The following ZNF703 variants were observed in gnomAD, a reference collection of about 807,000 sequenced individuals.
ZNF703 encodes NocA-like zinc finger 1.
In ZNF703, 18 loss-of-function variants were observed where a neutral mutation model predicts 30.7. That is an observed-to-expected ratio of 0.59 (90% confidence interval 0.40 to 0.87). The LOEUF (loss-of-function observed/expected upper bound fraction) is 0.87. Ranked by LOEUF, ZNF703 falls within the 40% of genes least tolerant of loss-of-function variation. ZNF703 has a pLI of 0.00. For missense variants in ZNF703, 814 were observed against 847.8 expected (o/e 0.96, Z 0.50); for synonymous variants, 457 against 438.6 (o/e 1.04, Z -0.52).
chr8:37,697,941 C>G lies in ZNF703; in HGVS notation c.1040C>G (p.Ser347Cys). ...TCCGGCCTCGTGGGAGGCCAGCTGT[C>G]TGGGGGCCTGGGCCTGCCGCCGGGC... Reference protein sequence around the residue: ...SKSGLVGGQLSGGLGLPPGKP... With the variant: ...SKSGLVGGQLCGGLGLPPGKP... Residue 347 changes from serine (S) to cysteine (C), a missense_variant, in exon 2 of 2, where the codon TCT (serine) becomes TGT (cysteine). By Grantham distance (112) the Ser-to-Cys change is moderately radical. Transcript: ENST00000331569. 6.4e-7 allele frequency: 1 copy of G among 1,554,086 alleles called. No individual in the cohort carries two copies. Among genetic ancestry groups the G allele is most frequent in the Non-Finnish European group, 8.6e-7 (1 of 1,156,420 alleles).
chr8:37,698,917 A>C lies in ZNF703; in HGVS notation c.*243A>C. ...CAAAAAGTCTGTGTTCTCCCAAATA[A>C]TAATATTAATCCCACAAATAACGAC... On this transcript the variant is annotated 3_prime_UTR_variant, in exon 2 of 2. Coordinates refer to ENST00000331569, the MANE Select transcript of ZNF703 (RefSeq NM_025069.3). 7.8e-6 allele frequency: 3 copies of C among 385,706 alleles called. No individual in the cohort carries two copies. The highest frequency in any genetic ancestry group is 4.5e-5 in the Admixed American group (1 of 22,166). The allele number at this position is 385,706 out of a possible 1,614,324, so 23.9% of individuals were successfully genotyped here.
At chr8:37,697,078 C>T (rs867060244) in intron 1 of ZNF703, 67 bp from the exon 2 acceptor site, 18 of 1,416,780 alleles carry the variant, frequency 1.3e-5, no homozygotes, top group Admixed American at 5.9e-5. Context: ...TCCCCGGGCG[C>T]CCCCGCTCGC....
In ZNF703 at chr8:37,697,873, C is replaced by T. The variant is rs778741106; in HGVS notation, c.972C>T (p.Ala324=). The T allele has an allele frequency of 2.6e-6, 4 of 1,549,878 alleles. No individual in the cohort carries two copies. The highest frequency in any genetic ancestry group is 2.4e-5 in the East Asian group (1 of 41,990). ...GYHGSIVGAY[A]GYPSQFVPGL... ...ACGGCTCCATCGTGGGCGCCTACGC[C>T]GGCTACCCGTCTCAGTTCGTGCCTG... Residue 324 remains alanine (A), a synonymous_variant, in exon 2 of 2, where the codon GCC becomes GCT. Coordinates refer to ENST00000331569, the MANE Select transcript of ZNF703 (RefSeq NM_025069.3).
chr8:37,696,248 G>A lies in ZNF703; in HGVS notation c.243+26G>A. The stretch of plus-strand genomic sequence containing the variant: ...GTCAGTCCCCGGCCGCTGCCCCCGG[G>A]CGCCGGCCCCATTCCTCCCACCGCG... On this transcript the variant is annotated intron_variant, in intron 1 of 1. Transcript: ENST00000331569. This position sits in a 1 kb window ranked among gnomAD's most constrained non-coding sequence, Gnocchi z 8.2. 1.3e-6 allele frequency: 2 copies of A among 1,556,708 alleles called. No homozygotes were observed. Among genetic ancestry groups the A allele is most frequent in the Non-Finnish European group, 1.7e-6 (2 of 1,149,636 alleles).
In ZNF703 at chr8:37,697,769, G is replaced by A. The variant is rs773709580; in HGVS notation, c.868G>A (p.Ala290Thr). 1.3e-6 allele frequency: 2 copies of A among 1,500,326 alleles called. No homozygotes were observed. The highest frequency in any genetic ancestry group is 1.8e-6 in the Non-Finnish European group (2 of 1,129,776). 92.9% of individuals were successfully genotyped at this position (1,500,326 alleles called of 1,614,324 possible). A position where few individuals can be genotyped will look rare whatever the true frequency, so the allele number is the denominator to read the frequency against. The stretch of plus-strand genomic sequence containing the variant: ...CGAGCCGCCCTCGGCGCTGGTGGGG[G>A]CCGGCCACGTGGCGCCGGTGTCTCC... ...KSEPPSALVG[A>T]GHVAPVSPYK... Residue 290 changes from alanine (A) to threonine (T), a missense_variant, in exon 2 of 2, where the codon GCC becomes ACC. Coordinates refer to ENST00000331569, the MANE Select transcript of ZNF703 (RefSeq NM_025069.3).
Position 37,698,569 on chromosome 8 carries a change from G to C in ZNF703, c.1668G>C (p.Ala556=), listed in dbSNP as rs780355275. ...HPYGKSHLST[A]GGLAVPSLPT... ...ATGGCAAGAGCCACTTATCCACAGC[G>C]GGGGGCCTGGCCGTGCCGTCCCTCC... Residue 556 remains alanine, a synonymous_variant, in exon 2 of 2, where the codon GCG becomes GCC. Coordinates refer to ENST00000331569, the MANE Select transcript of ZNF703 (RefSeq NM_025069.3). 1 of 1,567,560 alleles carries C rather than the reference G, an allele frequency of 6.4e-7. No homozygotes were observed. The highest frequency in any genetic ancestry group is 8.6e-7 in the Non-Finnish European group (1 of 1,159,768).
At chr8:37,697,032 C>T (rs867277614) in intron 1 of ZNF703, 113 bp from the exon 2 acceptor site, 1 of 1,279,756 alleles carries the variant, frequency 7.8e-7, no homozygotes, top group Middle Eastern at 2.8e-4. Context: ...GACCCTCTCC[C>T]CAGGCCCGCC....
rs1355896813 is a variant in ZNF703 at position 37,699,348 on chromosome 8, G to C, written c.*674G>C. On this transcript the variant is annotated 3_prime_UTR_variant, in exon 2 of 2. Coordinates refer to ENST00000331569, the MANE Select transcript of ZNF703 (RefSeq NM_025069.3). ...CTATTGACCTGGTACACTGCTCCGG[G>C]ACTCCTCCCCCGCCACCCTCCGCGC... 6.6e-6 allele frequency: 1 copy of C among 152,340 alleles called. No homozygotes were observed. Among genetic ancestry groups the C allele is most frequent in the African/African-American group, 2.4e-5 (1 of 41,424 alleles). The allele number at this position is 152,340 out of a possible 1,614,324, so 9.4% of individuals were successfully genotyped here. A position where few individuals can be genotyped will look rare whatever the true frequency, so the allele number is the denominator to read the frequency against.
rs1465699036 is a variant in ZNF703, at chr8:37,695,963, G to T, written c.-17G>T. On this transcript the variant is annotated 5_prime_UTR_variant, in exon 1 of 2. Transcript: ENST00000331569. The stretch of plus-strand genomic sequence containing the variant: ...CCCCCGCCCTCCCCGCCCCCCCAGC[G>T]GCGCTGCCTCCTCCAAATGAGCGAT... The T allele has an allele frequency of 1.6e-6, 2 of 1,269,788 alleles. No individual in the cohort carries two copies. The highest frequency in any genetic ancestry group is 1.0e-6 in the Non-Finnish European group (1 of 967,870). The allele number at this position is 1,269,788 out of a possible 1,614,324, so 78.7% of individuals were successfully genotyped here.
chr8:37,698,961 CCTTT>C lies in ZNF703; in HGVS notation c.*290_*293del, dbSNP rs1207790679. On this transcript the variant is annotated 3_prime_UTR_variant, in exon 2 of 2. Coordinates refer to ENST00000331569, the MANE Select transcript of ZNF703 (RefSeq NM_025069.3). ...TAACGACATGATCCCCGCCCCTGTT[CCTTT>C]CTGTTATTTTTTCTTAGATATAAGT... 2.6e-5 allele frequency: 9 copies of C among 349,410 alleles called. No individual in the cohort carries two copies. The highest frequency in any genetic ancestry group is 3.6e-5 in the Non-Finnish European group (7 of 195,310). 21.6% of individuals were successfully genotyped at this position (349,410 alleles called of 1,614,324 possible). A position where few individuals can be genotyped will look rare whatever the true frequency, so the allele number is the denominator to read the frequency against.
Position 37,695,924 on chromosome 8 carries a change from G to A in ZNF703, c.-56G>A, listed in dbSNP as rs1470499856. The A allele has an allele frequency of 2.3e-6, 3 of 1,329,576 alleles. No homozygotes were observed. The highest frequency in any genetic ancestry group is 3.0e-5 in the Admixed American group (1 of 32,912). The allele number at this position is 1,329,576 out of a possible 1,614,324, so 82.4% of individuals were successfully genotyped here. ...GCGAGCCCACCCGCCCCGGGAGCTC[G>A]CCTCCCCGGTGCTCCCCCGCCCTCC... is the stretch of plus-strand genomic sequence containing the variant. On this transcript the variant is annotated 5_prime_UTR_variant, in exon 1 of 2. Coordinates refer to ENST00000331569, the MANE Select transcript of ZNF703 (RefSeq NM_025069.3).
At position 37,696,957 on chromosome 8, in the gene ZNF703, G is replaced by A. The variant is rs1049478069; in HGVS notation, c.244-188G>A. Among the ~76,000 whole-genome samples, 22 of 152,158 alleles carry A rather than the reference G, an allele frequency of 1.4e-4. No individual in the cohort carries two copies. The highest frequency in any genetic ancestry group is 6.5e-4 in the Admixed American group (10 of 15,292). On this transcript the variant is annotated intron_variant, in intron 1 of 1. Transcript: ENST00000331569. This position sits in a 1 kb window ranked among gnomAD's most constrained non-coding sequence, Gnocchi z 8.2. The stretch of plus-strand genomic sequence containing the variant: ...TTCCGCAGGGCCTGCGGCGCACCCC[G>A]GGACCCAGCGGCAGTGTGGGCGCAG...
chr8:37,695,931 CG>C lies in ZNF703; in HGVS notation c.-47del. On this transcript the variant is annotated 5_prime_UTR_variant, in exon 1 of 2. Coordinates refer to ENST00000331569, the MANE Select transcript of ZNF703 (RefSeq NM_025069.3). ...CACCCGCCCCGGGAGCTCGCCTCCC[CG>C]GTGCTCCCCCGCCCTCCCCGCCCCC... 1.4e-6 allele frequency: 2 copies of C among 1,400,790 alleles called. No homozygotes were observed. Among genetic ancestry groups the C allele is most frequent in the Non-Finnish European group, 1.9e-6 (2 of 1,067,268 alleles). 86.8% of individuals were successfully genotyped at this position (1,400,790 alleles called of 1,614,324 possible).
Position 37,698,306 on chromosome 8 carries a change from A to C in ZNF703, c.1405A>C (p.Lys469Gln), listed in dbSNP as rs1746899472. 1.3e-6 allele frequency: 2 copies of C among 1,540,264 alleles called. No homozygotes were observed. Among genetic ancestry groups the C allele is most frequent in the African/African-American group, 2.8e-5 (2 of 71,538 alleles). ...NWVAASGPCD[K>Q]RFATSEELLS... is the part of the protein sequence containing the mutation. The stretch of plus-strand genomic sequence containing the variant: ...GGTGGCAGCCAGTGGGCCGTGCGAC[A>C]AGCGCTTCGCCACCTCGGAGGAGCT... The change falls in exon 2 of 2, where the codon AAG becomes CAG. Residue 469 changes from lysine to glutamine, a missense_variant. Physicochemically the swap from Lys to Gln is moderately conservative, Grantham distance 53. Coordinates refer to ENST00000331569, the MANE Select transcript of ZNF703 (RefSeq NM_025069.3).
Position 37,698,523 on chromosome 8 carries a change from G to C in ZNF703, c.1622G>C (p.Gly541Ala). 1.3e-6 allele frequency: 2 copies of C among 1,573,732 alleles called. No homozygotes were observed. Among genetic ancestry groups the C allele is most frequent in the South Asian group, 1.2e-5 (1 of 86,496 alleles). ...SLSLRNPHTL[G>A]LSRYHPYGKS... is the part of the protein sequence containing the mutation. ...TCCTTGCGGAATCCACACACTTTGG[G>C]CCTAAGCCGGTACCACCCCTATGGC... The change falls in exon 2 of 2, where the codon GGC (glycine) becomes GCC (alanine). Residue 541 changes from glycine (G) to alanine (A), a missense_variant. Transcript: ENST00000331569.
rs763532586 is a variant in ZNF703, at chr8:37,697,946, G to T, written c.1045G>T (p.Gly349Cys). ...CCTCGTGGGAGGCCAGCTGTCTGGG[G>T]GCCTGGGCCTGCCGCCGGGCAAGCC... The part of the protein sequence containing the change: ...SGLVGGQLSG[G>C]LGLPPGKPPS... The change falls in exon 2 of 2, where the codon GGC becomes TGC. Residue 349 changes from glycine to cysteine, a missense_variant. Transcript: ENST00000331569. The T allele has an allele frequency of 3.9e-4, 612 of 1,553,332 alleles. 1 individual carries two copies. Among genetic ancestry groups the T allele is most frequent in the Non-Finnish European group, 5.1e-4 (592 of 1,156,088 alleles).
In ZNF703 at chr8:37,697,902, T is replaced by C. The variant is rs1268823867; in HGVS notation, c.1001T>C (p.Leu334Pro). The C allele has an allele frequency of 6.4e-7, 1 of 1,556,922 alleles. No homozygotes were observed. Among genetic ancestry groups the C allele is most frequent in the South Asian group, 1.2e-5 (1 of 85,690 alleles). The change falls in exon 2 of 2, where the codon CTG becomes CCG. Residue 334 changes from leucine (L) to proline (P), a missense_variant. Transcript: ENST00000331569. ...AGYPSQFVPG[L>P]DPSKSGLVGG... ...TACCCGTCTCAGTTCGTGCCTGGCC[T>C]GGATCCTAGCAAGTCCGGCCTCGTG...
Sources: allele counts gnomAD v4.1 joint callset (sites outside exome capture counted in the v4.1 genomes callset), GRCh38; gene constraint gnomAD v4.1.1; non-coding constraint Gnocchi (gnomAD v3.1); transcripts MANE v1.5; gene names NCBI Gene and HGNC (gene_info 2026-07-23, HGNC 2026-07-21).